The following GAS7 variants were observed in gnomAD, a reference collection of about 807,000 sequenced individuals.
GAS7 encodes growth arrest specific 7, also known as growth arrest-specific protein 7.
A neutral mutation model predicts 71.1 loss-of-function variants in GAS7; 28 were observed. That is an observed-to-expected ratio of 0.39 (90% CI 0.29 to 0.54). The LOEUF is 0.54. Among genes scored for constraint, GAS7 ranks in the 20% least tolerant of loss-of-function variants. The probability of loss-of-function intolerance (pLI) is 0.62; values close to 1 mark genes in which losing one functional copy is unlikely to be tolerated. For missense variants in GAS7, 436 were observed against 627.8 expected, an observed-to-expected ratio of 0.69 and a Z score of 3.27; for synonymous variants, 258 against 245.8, an observed-to-expected ratio of 1.05 and a Z score of -0.46.
intron 1 of GAS7, among the ~76,000 whole-genome samples, chr17:10,047,815 C>T (rs1169636940): frequency 6.6e-6 from 1 of 152,128 alleles, no homozygotes; most frequent in African/African-American, 2.4e-5. Flanking sequence ...AAATCAGTGA[C>T]TTGCGGGGCT....
At chr17:9,935,689 T>C (rs541490772) in intron 8 of GAS7, among the ~76,000 whole-genome samples, 2 of 152,036 alleles carry the variant, frequency 1.3e-5, no homozygotes, top group East Asian at 3.9e-4. Flanking sequence ...CAGGCCGAGG[T>C]GGGTGTTTAT....
At chr17:10,121,627 CTAT>C (rs1452199828) in intron 1 of GAS7, among the ~76,000 whole-genome samples, 1 of 152,134 alleles carries the variant, frequency 6.6e-6, no homozygotes, top group African/African-American at 2.4e-5. Context: ...TAAATGCTGT[CTAT>C]TATTATTAAA....
chr17:10,064,023 C>T (rs941755416), intron 1 of GAS7, among the ~76,000 whole-genome samples: 1 of 152,184 alleles, frequency 6.6e-6, no homozygotes, highest in Non-Finnish European at 1.5e-5. Flanking sequence ...CCCAACATGG[C>T]CCTCACCAGC....
rs564407164 is a variant in GAS7 at position 9,919,953 on chromosome 17, G to A, written c.1139-248C>T. Among the ~76,000 whole-genome samples, 43 of 150,326 alleles carry A rather than the reference G, an allele frequency of 2.9e-4. No homozygotes were observed. The highest frequency in any genetic ancestry group is 9.8e-4 in the African/African-American group (40 of 40,748). On this transcript the variant is annotated intron_variant, in intron 11 of 13. Transcript: ENST00000432992. The surrounding 1 kb of genome is among the most constrained non-coding windows in gnomAD (Gnocchi z 5.0). ...CTGACCCCAGATACCAAGGATTCAG[G>A]ATGGTGGTTCTCATTTTGTGTGTGT...
chr17:10,100,874 G>A (rs909046870), intron 1 of GAS7, among the ~76,000 whole-genome samples: 2 of 152,230 alleles, frequency 1.3e-5, no homozygotes, highest in East Asian at 1.9e-4. Context: ...ACAGAGGGAT[G>A]CAAAGCCTAG....
chr17:9,998,692 A>G (rs954436714), intron 2 of GAS7, among the ~76,000 whole-genome samples: 1 of 129,076 alleles, frequency 7.7e-6, no homozygotes, highest in Non-Finnish European at 1.5e-5. Context: ...AAGGAAAAGG[A>G]AAAGGAAAAG....
intron 1 of GAS7, among the ~76,000 whole-genome samples, chr17:10,110,053 C>CAA (rs956917519): frequency 1.8e-3 from 129 of 73,328 alleles, no homozygotes; most frequent in South Asian, 4.6e-3. Flanking sequence ...GGCTCCGTCT[C>CAA]AAAAAAAAAA....
chr17:9,979,834 G>A (rs985725832), intron 3 of GAS7, among the ~76,000 whole-genome samples: 1 of 150,856 alleles, frequency 6.6e-6, no homozygotes, highest in Non-Finnish European at 1.5e-5. Flanking sequence ...CACACCTTGC[G>A]TCATTCGCAC....
At chr17:10,082,974 G>T (rs943034190) in intron 1 of GAS7, among the ~76,000 whole-genome samples, 7 of 152,210 alleles carry the variant, frequency 4.6e-5, no homozygotes, top group African/African-American at 1.7e-4. Context: ...AAGTGACCTG[G>T]AGAGATGAGT....
chr17:10,108,492 G>A (rs1481766048), intron 1 of GAS7, among the ~76,000 whole-genome samples: 3 of 152,172 alleles, frequency 2.0e-5, no homozygotes, highest in African/African-American at 7.2e-5. Flanking sequence ...TTTAATGCAT[G>A]CCCCAGTGAG....
intron 1 of GAS7, among the ~76,000 whole-genome samples, chr17:10,053,598 C>A (rs1224763583): frequency 6.6e-6 from 1 of 152,154 alleles, no homozygotes; most frequent in Non-Finnish European, 1.5e-5. Context: ...GTTGAAGGCA[C>A]CAGGTCTCTT....
At chr17:9,990,451 C>T (rs1461314429) in intron 2 of GAS7, among the ~76,000 whole-genome samples, 1 of 152,072 alleles carries the variant, frequency 6.6e-6, no homozygotes, top group African/African-American at 2.4e-5. Context: ...TCCATCATGA[C>T]TGCCACAATC....
At chr17:9,962,303 G>A (rs1003124268) in intron 4 of GAS7, among the ~76,000 whole-genome samples, 3 of 151,378 alleles carry the variant, frequency 2.0e-5, no homozygotes, top group African/African-American at 7.3e-5. Context: ...CCATTGAAAG[G>A]GCCCAGAAGG....
rs951901406 is a variant in GAS7, at chr17:9,916,828, C to T, written c.*400G>A. The T allele has an allele frequency of 1.2e-5, 5 of 428,154 alleles. No individual in the cohort carries two copies. Among genetic ancestry groups the T allele is most frequent in the Non-Finnish European group, 2.1e-5 (5 of 242,884 alleles). The allele number at this position is 428,154 out of a possible 1,614,324, so 26.5% of individuals were successfully genotyped here. A position where few individuals can be genotyped will look rare whatever the true frequency, so the allele number is the denominator to read the frequency against. ...ACACCTGGCTTAGAGACAGAGCCCT[C>T]CCTACCCTGATCCTCCAAAGCCCTG... On this transcript the variant is annotated 3_prime_UTR_variant, in exon 14 of 14. Transcript: ENST00000432992.
chr17:10,037,646 T>C (rs1476011192), intron 1 of GAS7, among the ~76,000 whole-genome samples: 2 of 146,722 alleles, frequency 1.4e-5, no homozygotes, highest in Non-Finnish European at 3.0e-5. Flanking sequence ...TCCAAGACCC[T>C]GGGCAACGGC....
chr17:10,009,127 C>T (rs1331454240), intron 2 of GAS7, among the ~76,000 whole-genome samples: 6 of 151,460 alleles, frequency 4.0e-5, no homozygotes, highest in Non-Finnish European at 7.4e-5. Flanking sequence ...GAGACCATCC[C>T]GGCTAAAACG....
At chr17:10,181,403 A>G (rs2074415721) in intron 1 of GAS7, among the ~76,000 whole-genome samples, 1 of 151,918 alleles carries the variant, frequency 6.6e-6, no homozygotes, top group Admixed American at 6.6e-5. Context: ...ATCTCAATAG[A>G]GCTGTCAAAC....
Position 9,959,398 on chromosome 17 carries a change from G to C in GAS7, c.472-143C>G. 6.7e-7 allele frequency: 1 copy of C among 1,493,528 alleles called. No homozygotes were observed. Among genetic ancestry groups the C allele is most frequent in the South Asian group, 1.3e-5 (1 of 75,746 alleles). The allele number at this position is 1,493,528 out of a possible 1,614,324, so 92.5% of individuals were successfully genotyped here. On this transcript the variant is annotated intron_variant, in intron 4 of 13. Coordinates refer to ENST00000432992, the MANE Select transcript of GAS7 (RefSeq NM_201433.2). This position sits in a 1 kb window ranked among gnomAD's most constrained non-coding sequence, Gnocchi z 5.0. ...CCTAAGTCACCATATTCTGGGCCAG[G>C]GCAAGCAGGGGTCTCCCTGACCCCA...
chr17:10,084,483 T>G (rs954890845), intron 1 of GAS7, among the ~76,000 whole-genome samples: 1 of 152,174 alleles, frequency 6.6e-6, no homozygotes, highest in Non-Finnish European at 1.5e-5. Context: ...TCTTTTTTTT[T>G]GAGACAAAGT....
Sources: gnomAD v4.1 joint callset for allele counts (sites outside exome capture counted in the v4.1 genomes callset) on GRCh38, gnomAD v4.1.1 for gene constraint, Gnocchi (gnomAD v3.1) non-coding constraint, MANE v1.5 for transcripts, NCBI Gene and HGNC (gene_info 2026-07-23, HGNC 2026-07-21) for gene names.